FMNL3: variants seen among roughly 807,000 people sequenced by gnomAD.
The protein encoded by FMNL3 is formin like 3.
Under a neutral mutation model 119.6 loss-of-function variants are expected in FMNL3, and 57 were observed. That is an observed-to-expected ratio of 0.48 (90% CI 0.39 to 0.59). FMNL3 has a LOEUF of 0.59. Ranked by LOEUF, FMNL3 falls within the 20% of genes least tolerant of loss-of-function variation. The probability of loss-of-function intolerance (pLI) is 0.00; values close to 1 mark genes in which losing one functional copy is unlikely to be tolerated. For missense variants in FMNL3, 1,053 were observed against 1,323.5 expected, an observed-to-expected ratio of 0.80 and a Z score of 3.17; for synonymous variants, 491 against 507.3, an observed-to-expected ratio of 0.97 and a Z score of 0.43.
At chr12:49,662,716 C>A (rs1249611233) in intron 4 of FMNL3, among the ~76,000 whole-genome samples, 1 of 152,158 alleles carries the variant, frequency 6.6e-6, no homozygotes, top group African/African-American at 2.4e-5. Context: ...AACCTGAGTA[C>A]GTGGGTCCCC....
At chr12:49,687,565 A>G (rs1944499273) in intron 1 of FMNL3, among the ~76,000 whole-genome samples, 1 of 152,026 alleles carries the variant, frequency 6.6e-6, no homozygotes, top group African/African-American at 2.4e-5. Context: ...CTTTTTCTTC[A>G]TGGTACTTCT....
intron 1 of FMNL3, among the ~76,000 whole-genome samples, chr12:49,697,097 G>A: frequency 6.6e-6 from 1 of 152,194 alleles, no homozygotes; most frequent in East Asian, 1.9e-4. Context: ...CCAAAAGATT[G>A]AGAACTACTG....
At chr12:49,654,379 G>A (rs1346164783) in intron 10 of FMNL3, 77 bp from the exon 11 acceptor site, 25 of 1,166,498 alleles carry the variant, frequency 2.1e-5, no homozygotes, top group Non-Finnish European at 1.3e-6. Context: ...ATAGGCGGCT[G>A]TTAGAATATC....
At position 49,673,099 on chromosome 12, in the gene FMNL3, A is replaced by G. The variant is rs139332968; in HGVS notation, c.127-4545T>C. Among the ~76,000 whole-genome samples the G allele has an allele frequency of 5.5e-3, 843 of 152,316 alleles. 5 individuals carry two copies. Among genetic ancestry groups the G allele is most frequent in the African/African-American group, 0.019 (808 of 41,572 alleles). ...TGAACCACCTCCCACCAGGTTTCCT[A>G]TGGCTGTCTTCTCCCAAGTGTGGTA... On this transcript the variant is annotated intron_variant, in intron 1 of 25. Coordinates refer to ENST00000335154, the MANE Select transcript of FMNL3 (RefSeq NM_175736.5).
At chr12:49,676,520 G>GTTTTTTTTT (rs58117011) in intron 1 of FMNL3, among the ~76,000 whole-genome samples, 2 of 103,016 alleles carry the variant, frequency 1.9e-5, no homozygotes, top group Non-Finnish European at 2.0e-5. Context: ...TTCATAGTGG[G>GTTTTTTTTT]TTTTTTTTTT....
At chr12:49,694,623 A>G (rs866470747) in intron 1 of FMNL3, among the ~76,000 whole-genome samples, 14 of 152,218 alleles carry the variant, frequency 9.2e-5, no homozygotes, top group African/African-American at 3.1e-4. Context: ...TATAATAAGT[A>G]TATCAGGACG....
At chr12:49,652,796 G>C (rs2138749914) in intron 13 of FMNL3, among the ~76,000 whole-genome samples, 1 of 152,344 alleles carries the variant, frequency 6.6e-6, no homozygotes, top group African/African-American at 2.4e-5. Context: ...AAATACAGAA[G>C]AGAATGAAAT....
At chr12:49,690,872 T>C (rs1944583019) in intron 1 of FMNL3, among the ~76,000 whole-genome samples, 1 of 152,186 alleles carries the variant, frequency 6.6e-6, no homozygotes, top group African/African-American at 2.4e-5. Context: ...TGGTGAAACC[T>C]TGTCTCTACA....
At chr12:49,680,458 A>G (rs1270044812) in intron 1 of FMNL3, among the ~76,000 whole-genome samples, 4 of 152,126 alleles carry the variant, frequency 2.6e-5, no homozygotes, top group Non-Finnish European at 4.4e-5. Context: ...CTCTTTTGGG[A>G]GGAATCATAA....
chr12:49,673,782 G>T (rs1435620939), intron 1 of FMNL3, among the ~76,000 whole-genome samples: 1 of 152,268 alleles, frequency 6.6e-6, no homozygotes, highest in Non-Finnish European at 1.5e-5. Flanking sequence ...AGGCCAGCCG[G>T]CCCAGCCCAT....
At chr12:49,676,523 T>G (rs1426217265) in intron 1 of FMNL3, among the ~76,000 whole-genome samples, 9 of 93,304 alleles carry the variant, frequency 9.6e-5, no homozygotes, top group Non-Finnish European at 5.6e-5. Flanking sequence ...ATAGTGGGTT[T>G]TTTTTTTTTT....
At chr12:49,659,318 G>A (rs1260407998) in intron 5 of FMNL3, among the ~76,000 whole-genome samples, 1 of 152,284 alleles carries the variant, frequency 6.6e-6, no homozygotes, top group East Asian at 1.9e-4. Context: ...TGAGATTGTA[G>A]ACCAGGGTCC....
At position 49,637,048 on chromosome 12, in the gene FMNL3, C is replaced by A; in HGVS notation, c.*8767G>T. On this transcript the variant is annotated 3_prime_UTR_variant, in exon 26 of 26. Transcript: ENST00000335154. ...TCTGGACTGTGCTCTTCTAGGGAGA[C>A]TAGATGTATGCACCACCCAGAAACT... The A allele has an allele frequency of 1.3e-6, 1 of 789,720 alleles. No individual in the cohort carries two copies. Among genetic ancestry groups the A allele is most frequent in the Non-Finnish European group, 2.0e-6 (1 of 508,202 alleles). 48.9% of individuals were successfully genotyped at this position (789,720 alleles called of 1,614,324 possible).
intron 4 of FMNL3, among the ~76,000 whole-genome samples, chr12:49,663,060 C>G (rs1424549233): frequency 6.6e-6 from 1 of 152,188 alleles, no homozygotes; most frequent in Non-Finnish European, 1.5e-5. Context: ...GACTCTGGAG[C>G]TACAACACCA....
At chr12:49,689,038 A>T (rs1048217314) in intron 1 of FMNL3, among the ~76,000 whole-genome samples, 2 of 152,204 alleles carry the variant, frequency 1.3e-5, no homozygotes, top group Non-Finnish European at 2.9e-5. Context: ...GGATCACTTG[A>T]GCCCAGGAAT....
chr12:49,665,112 C>T (rs1943852206), intron 4 of FMNL3, among the ~76,000 whole-genome samples: 1 of 152,072 alleles, frequency 6.6e-6, no homozygotes. Context: ...TATACCTTTG[C>T]ATATACCTTT....
At chr12:49,690,464 T>C (rs1944573018) in intron 1 of FMNL3, among the ~76,000 whole-genome samples, 1 of 152,230 alleles carries the variant, frequency 6.6e-6, no homozygotes, top group African/African-American at 2.4e-5. Flanking sequence ...TTAATATCTG[T>C]ATTTTCCTCT....
At chr12:49,674,145 T>C (rs1334050040) in intron 1 of FMNL3, among the ~76,000 whole-genome samples, 1 of 152,190 alleles carries the variant, frequency 6.6e-6, no homozygotes, top group African/African-American at 2.4e-5. Context: ...CTGCTCTCCT[T>C]GCTTTGACTC....
chr12:49,665,797 C>T, intron 4 of FMNL3, 35 bp downstream of exon 4: 1 of 1,607,692 alleles, frequency 6.2e-7, no homozygotes, highest in Non-Finnish European at 8.5e-7. Flanking sequence ...CAGCCTGGGG[C>T]CAGATGAAGA....
Sources: gnomAD v4.1 joint callset for allele counts (sites outside exome capture counted in the v4.1 genomes callset) on GRCh38, gnomAD v4.1.1 for gene constraint, MANE v1.5 for transcripts, NCBI Gene and HGNC (gene_info 2026-07-23, HGNC 2026-07-21) for gene names.